Variants in UGT1A8 observed in about 807,000 individuals in gnomAD.
UGT1A8 encodes UDP-glucuronosyltransferase 1A8.
A neutral mutation model predicts 45.3 loss-of-function variants in UGT1A8; 39 were observed. The observed-to-expected ratio is 0.86, with a 90% CI of 0.67 to 1.12. The LOEUF is 1.12. Among genes scored for constraint, UGT1A8 ranks in the 50% most tolerant of loss-of-function variants. The pLI is 0.00. For synonymous variants in UGT1A8, 275 were observed against 249.2 expected, an observed-to-expected ratio of 1.10 and a Z score of -0.97; for missense variants, 719 against 664.9, an observed-to-expected ratio of 1.08 and a Z score of -0.90.
chr2:233,714,481 C>T (rs138449579), intron 1 of UGT1A8, among the ~76,000 whole-genome samples: 103 of 152,274 alleles, frequency 6.8e-4, no homozygotes, highest in African/African-American at 2.4e-3. Flanking sequence ...GAGAATGTTT[C>T]TTGTGAAGAC....
rs760289864 is a variant in UGT1A8 at position 233,772,449 on chromosome 2, G to A, written c.1483G>A (p.Val495Ile). 8 of 1,614,068 alleles carry A rather than the reference G, an allele frequency of 5.0e-6. No homozygotes were observed. Among genetic ancestry groups the A allele is most frequent in the Middle Eastern group, 1.6e-4 (1 of 6,084 alleles). Residue 495 changes from valine (V) to isoleucine (I), a missense_variant, in exon 5 of 5, where the codon GTC becomes ATC. Physicochemically the swap from Val to Ile is conservative, Grantham distance 29 (BLOSUM62 3). Transcript: ENST00000373450. ...GGACGTGATTGGTTTCCTCTTGGCCGTCGTGCTGACAGTGGCCTTCATCAC... is the reference window on the plus strand; with the variant it reads ...GGACGTGATTGGTTTCCTCTTGGCCATCGTGCTGACAGTGGCCTTCATCAC... ...SLDVIGFLLA[V>I]VLTVAFITFK...
intron 1 of UGT1A8, among the ~76,000 whole-genome samples, chr2:233,640,866 GC>G (rs778614519): frequency 6.6e-6 from 1 of 152,152 alleles, no homozygotes; most frequent in Non-Finnish European, 1.5e-5. Flanking sequence ...GAAATGTGGA[GC>G]CCTAATTAGG....
chr2:233,748,151 T>C, intron 1 of UGT1A8: 1 of 1,604,824 alleles, frequency 6.2e-7, no homozygotes, highest in East Asian at 2.2e-5. Flanking sequence ...TTACTTACAA[T>C]TGCTTCCATA....
chr2:233,754,215 T>A (rs1387155236), intron 1 of UGT1A8: 1 of 166,766 alleles, frequency 6.0e-6, no homozygotes, highest in Non-Finnish European at 1.3e-5. Flanking sequence ...GTCAAATGAT[T>A]TAGAGCAAAC....
In UGT1A8 at chr2:233,722,859, T is replaced by TC. The variant is rs2077044363; in HGVS notation, c.856-44175_856-44174insC. Among the ~76,000 whole-genome samples, 2 of 128,126 alleles carry TC rather than the reference T, an allele frequency of 1.6e-5. 1 individual carries two copies. The highest frequency in any genetic ancestry group is 5.9e-5 in the African/African-American group (2 of 33,684). The allele number at this position is 128,126 out of a possible 152,430, so 84.1% of individuals were successfully genotyped here. A position where few individuals can be genotyped will look rare whatever the true frequency, so the allele number is the denominator to read the frequency against. On this transcript the variant is annotated intron_variant, in intron 1 of 4. Transcript: ENST00000373450. The stretch of plus-strand genomic sequence containing the variant: ...TAAGAATGTTTCTTTTTTTTTTTTT[T>TC]GAAGGAAAAAATAAATTTATTGCTC...
chr2:233,739,706 G>A (rs760194207), intron 1 of UGT1A8, among the ~76,000 whole-genome samples: 1 of 152,190 alleles, frequency 6.6e-6, no homozygotes, highest in Non-Finnish European at 1.5e-5. Context: ...ACAGGCTCAT[G>A]GGGGAAGGGA....
intron 1 of UGT1A8, among the ~76,000 whole-genome samples, chr2:233,758,958 A>G (rs936812045): frequency 2.0e-5 from 3 of 152,152 alleles, no homozygotes; most frequent in Non-Finnish European, 4.4e-5. Flanking sequence ...AATTTCCCCA[A>G]ATGCCTTTCC....
chr2:233,650,112 A>G (rs2073703000), intron 1 of UGT1A8, among the ~76,000 whole-genome samples: 1 of 152,142 alleles, frequency 6.6e-6, no homozygotes, highest in African/African-American at 2.4e-5. Context: ...CTGGGATTAT[A>G]GGCACATGCC....
rs1163503651 is a variant in UGT1A8, at chr2:233,617,647, T to C, written c.-61T>C. On this transcript the variant is annotated 5_prime_UTR_variant, in exon 1 of 5. Transcript: ENST00000373450. ...GGTCAGGTTTTGTGCCTGTAGTTCT[T>C]CCGCCTACTGTATCATAGCAGCTTA... is the stretch of plus-strand genomic sequence containing the variant. 4 of 1,553,710 alleles carry C rather than the reference T, an allele frequency of 2.6e-6. No individual in the cohort carries two copies. Among genetic ancestry groups the C allele is most frequent in the Non-Finnish European group, 3.5e-6 (4 of 1,149,696 alleles).
At chr2:233,750,789 A>G (rs555312200) in intron 1 of UGT1A8, 1 of 151,930 alleles carries the variant, frequency 6.6e-6, no homozygotes, top group African/African-American at 2.4e-5. Context: ...TACACAGAAG[A>G]TAAGAATTTA....
intron 1 of UGT1A8, among the ~76,000 whole-genome samples, chr2:233,734,621 G>C (rs1231102351): frequency 6.6e-6 from 1 of 152,064 alleles, no homozygotes; most frequent in Non-Finnish European, 1.5e-5. Context: ...GTTGATTTTA[G>C]ATCTTTCCTG....
intron 1 of UGT1A8, chr2:233,636,388 G>A (rs2073289691): frequency 9.0e-7 from 1 of 1,105,772 alleles, no homozygotes. Context: ...TTGGCAGTGA[G>A]TGTGATTTTT....
At chr2:233,713,841 G>A (rs754082390) in intron 1 of UGT1A8, 101 of 1,614,008 alleles carry the variant, frequency 6.3e-5, no homozygotes, top group East Asian at 1.1e-4. Flanking sequence ...CTGTGCCAAC[G>A]GGAAGCCACT....
chr2:233,712,954 G>A (rs367675101), intron 1 of UGT1A8: 7 of 1,612,846 alleles, frequency 4.3e-6, no homozygotes, highest in South Asian at 3.3e-5. Context: ...GAGGCACAAC[G>A]TGGGGTGGAC....
chr2:233,766,403 C>T (rs889722071), intron 1 of UGT1A8, among the ~76,000 whole-genome samples: 1 of 152,294 alleles, frequency 6.6e-6, no homozygotes, highest in South Asian at 2.1e-4. Flanking sequence ...TGCGTCCCTC[C>T]GCTGATGTGC....
intron 1 of UGT1A8, chr2:233,681,985 A>G: frequency 1.2e-6 from 2 of 1,614,106 alleles, no homozygotes; most frequent in Non-Finnish European, 1.7e-6. Context: ...ATGTGTGTCT[A>G]CTGCTGACCT....
chr2:233,640,483 T>A (rs2073422077), intron 1 of UGT1A8, among the ~76,000 whole-genome samples: 3 of 152,210 alleles, frequency 2.0e-5, no homozygotes. Flanking sequence ...ATCTCATTTC[T>A]AGCCCATAAT....
intron 1 of UGT1A8, among the ~76,000 whole-genome samples, chr2:233,673,371 A>G (rs1184214213): frequency 6.6e-6 from 1 of 152,170 alleles, no homozygotes; most frequent in African/African-American, 2.4e-5. Flanking sequence ...GTAGTTTTTA[A>G]CCAATTAATA....
At chr2:233,760,783 C>T in intron 1 of UGT1A8, 1 of 1,613,870 alleles carries the variant, frequency 6.2e-7, no homozygotes, top group Non-Finnish European at 8.5e-7. Flanking sequence ...GTACCTGTCT[C>T]TGCCCACTGT....
Sources: gnomAD v4.1 joint callset for allele counts (sites outside exome capture counted in the v4.1 genomes callset) on GRCh38, gnomAD v4.1.1 for gene constraint, MANE v1.5 for transcripts, NCBI Gene and HGNC (gene_info 2026-07-23, HGNC 2026-07-21) for gene names.